The following DNAH9 variants were observed in gnomAD, a reference collection of about 807,000 sequenced individuals.
The protein encoded by DNAH9 is DNAH9 variant protein.
In DNAH9, 345 loss-of-function variants were observed where a neutral mutation model predicts 471.6. The ratio of observed to expected loss-of-function variants is 0.73; its 90% confidence interval spans 0.67 to 0.80. The LOEUF (loss-of-function observed/expected upper bound fraction) is 0.80, where lower values mean the gene tolerates loss of function less well. DNAH9 is among the 30% of genes least tolerant of loss of function. The pLI, the probability that DNAH9 is intolerant of heterozygous loss-of-function variation, is 0.00. For missense variants in DNAH9, 5,407 were observed against 5,609.2 expected (o/e 0.96, Z 1.15); for synonymous variants, 2,093 against 2,123.6 (o/e 0.99, Z 0.40).
chr17:11,864,756 T>G (rs367965308), intron 50 of DNAH9, among the ~76,000 whole-genome samples: 86 of 152,196 alleles, frequency 5.7e-4, no homozygotes, highest in African/African-American at 7.5e-4. Flanking sequence ...TTGTTGAATT[T>G]ATCCCTTTAC....
At chr17:11,629,727 GT>G in intron 7 of DNAH9, 143 bp downstream of exon 7, 1 of 665,850 alleles carries the variant, frequency 1.5e-6, no homozygotes. Context: ...TATCCTTTGT[GT>G]TAGGAGAAAT....
intron 55 of DNAH9, among the ~76,000 whole-genome samples, chr17:11,881,867 G>A (rs1274984810): frequency 6.6e-6 from 1 of 151,842 alleles, no homozygotes; most frequent in African/African-American, 2.4e-5. Context: ...AGCCAAGATC[G>A]TGCCACTGCA....
chr17:11,642,257 G>A (rs2073289091), intron 10 of DNAH9, among the ~76,000 whole-genome samples: 1 of 152,114 alleles, frequency 6.6e-6, no homozygotes, highest in Non-Finnish European at 1.5e-5. Context: ...GTGTATTATG[G>A]GCCGGGCATG....
Position 11,619,617 on chromosome 17 carries a change from G to A in DNAH9, c.1186G>A (p.Val396Met), listed in dbSNP as rs775743303. Reference protein sequence around the residue: ...EVEESQRKLQVVSDTLSFFKQ... With the variant: ...EVEESQRKLQMVSDTLSFFKQ... ...AGAAGAAAGTCAGAGAAAACTGCAA[G>A]TGGTCTCAGACACTTTGAGCTTCTT... Residue 396 changes from valine to methionine, a missense_variant, in exon 6 of 69, where the codon GTG (valine) becomes ATG (methionine). Physicochemically the swap from Val to Met is conservative, Grantham distance 21. Transcript: ENST00000262442. 1 of 1,614,188 alleles carries A rather than the reference G, an allele frequency of 6.2e-7. No homozygotes were observed.
chr17:11,762,297 C>G (rs1389863966), intron 35 of DNAH9, among the ~76,000 whole-genome samples: 1 of 152,176 alleles, frequency 6.6e-6, no homozygotes, highest in Non-Finnish European at 1.5e-5. Context: ...CGGACTCTGC[C>G]TCCATGCTGC....
intron 43 of DNAH9, 96 bp downstream of exon 43, chr17:11,797,889 G>C: frequency 7.8e-7 from 1 of 1,276,232 alleles, no homozygotes; most frequent in Non-Finnish European, 1.1e-6. Flanking sequence ...CGTAAAGCCA[G>C]GTAAGGAGCT....
At chr17:11,832,109 A>T (rs1161984022) in intron 48 of DNAH9, among the ~76,000 whole-genome samples, 1 of 152,216 alleles carries the variant, frequency 6.6e-6, no homozygotes, top group Non-Finnish European at 1.5e-5. Context: ...AAAGATGTAA[A>T]GTAACCATTT....
intron 14 of DNAH9, among the ~76,000 whole-genome samples, chr17:11,664,094 T>A (rs2073823934): frequency 6.6e-6 from 1 of 152,192 alleles, no homozygotes; most frequent in African/African-American, 2.4e-5. Flanking sequence ...ACTGGAAAGT[T>A]GCTGTAAAAA....
rs751229321 is a variant in DNAH9 at position 11,781,831 on chromosome 17, T to TAAAAAAA, written c.7718+663_7718+669dup. On this transcript the variant is annotated intron_variant, in intron 39 of 68. Transcript: ENST00000262442. ...TGGGCAACAGAGCGAGACTCCATCT[T>TAAAAAAA]AAAAAAAAAAAACAAACAAAAAAAA... Among the ~76,000 whole-genome samples, 28 of 108,600 alleles carry TAAAAAAA rather than the reference T, an allele frequency of 2.6e-4. 1 individual carries two copies. The highest frequency in any genetic ancestry group is 4.7e-4 in the African/African-American group (10 of 21,346). 71.2% of individuals were successfully genotyped at this position (108,600 alleles called of 152,430 possible).
chr17:11,879,563 T>C (rs1169126066), intron 53 of DNAH9, among the ~76,000 whole-genome samples: 1 of 152,198 alleles, frequency 6.6e-6, no homozygotes, highest in African/African-American at 2.4e-5. Flanking sequence ...GCTATTTACA[T>C]ATTTATTAAA....
intron 35 of DNAH9, among the ~76,000 whole-genome samples, chr17:11,758,133 T>C (rs1350916633): frequency 2.6e-5 from 4 of 152,158 alleles, no homozygotes; most frequent in Non-Finnish European, 5.9e-5. Flanking sequence ...GCTGTGTGTG[T>C]TCACGGCCCA....
chr17:11,838,850 C>T (rs1252791250), intron 49 of DNAH9, among the ~76,000 whole-genome samples: 3 of 152,168 alleles, frequency 2.0e-5, no homozygotes, highest in Non-Finnish European at 4.4e-5. Flanking sequence ...CCTCGACTGT[C>T]TTTAAACCCT....
chr17:11,938,758 CCTG>C (rs149417257), intron 66 of DNAH9, among the ~76,000 whole-genome samples: 1,618 of 152,128 alleles, frequency 0.011, 29 homozygotes, highest in African/African-American at 0.037. Flanking sequence ...ACCACCACGC[CCTG>C]CTAATTTTTT....
At chr17:11,935,463 C>T (rs1212903125) in intron 65 of DNAH9, among the ~76,000 whole-genome samples, 1 of 151,650 alleles carries the variant, frequency 6.6e-6, no homozygotes, top group African/African-American at 2.4e-5. Context: ...GCAACCTCCG[C>T]CTCCCTGGTT....
chr17:11,768,624 C>T lies in DNAH9; in HGVS notation c.7342C>T (p.Gln2448Ter). The change falls in exon 37 of 69, where the codon CAG becomes TAG. Residue 2448 changes from glutamine to a stop codon, truncating the protein, a stop_gained and splice_region_variant. Transcript: ENST00000262442. LOFTEE classifies it high-confidence loss of function. ...QFEFDPEMPL[Q>*]ACLVHTSETI... ...CGAATTTGACCCCGAGATGCCCTTG[C>T]AGGTGAGTGCAGCTGAGCAGCCGAG... The T allele has an allele frequency of 6.2e-7, 1 of 1,613,792 alleles. No individual in the cohort carries two copies. The highest frequency in any genetic ancestry group is 1.7e-4 in the Middle Eastern group (1 of 6,050).
intron 39 of DNAH9, 149 bp from the exon 40 acceptor site, chr17:11,783,497 C>T (rs974627857): frequency 3.6e-6 from 2 of 551,420 alleles, no homozygotes; most frequent in Admixed American, 3.0e-5. Context: ...GTCTTATGCT[C>T]TTATCTCTTC....
intron 43 of DNAH9, among the ~76,000 whole-genome samples, chr17:11,806,467 T>C (rs953377101): frequency 6.6e-6 from 1 of 152,110 alleles, no homozygotes; most frequent in African/African-American, 2.4e-5. Flanking sequence ...ACCAACACAA[T>C]GTTGGTATTC....
At chr17:11,679,617 C>CTA in intron 17 of DNAH9, 140 bp from the exon 18 acceptor site, 1 of 669,862 alleles carries the variant, frequency 1.5e-6, no homozygotes, top group South Asian at 1.8e-5. Context: ...AGAGCATAGT[C>CTA]TATGCAGAGT....
chr17:11,960,918 A>C (rs533497208), intron 67 of DNAH9, among the ~76,000 whole-genome samples: 3 of 152,366 alleles, frequency 2.0e-5, no homozygotes, highest in African/African-American at 7.2e-5. Context: ...AAACGCTGTC[A>C]GGTGCCCTAA....
Sources: gnomAD v4.1 joint callset for allele counts (sites outside exome capture counted in the v4.1 genomes callset) on GRCh38, gnomAD v4.1.1 for gene constraint, MANE v1.5 for transcripts, NCBI Gene and HGNC (gene_info 2026-07-23, HGNC 2026-07-21) for gene names.